Variants in ROBO2 observed in about 807,000 individuals in gnomAD.
ROBO2 encodes the protein roundabout homolog 2.
A neutral mutation model predicts 160.8 loss-of-function variants in ROBO2; 53 were observed. The observed-to-expected ratio is 0.33, with a 90% CI of 0.26 to 0.41. ROBO2 has a LOEUF of 0.41. ROBO2 is among the 10% of genes least tolerant of loss of function. The pLI, the probability that ROBO2 is intolerant of heterozygous loss-of-function variation, is 1.00. For missense variants in ROBO2, 1,577 were observed against 1,722.4 expected (o/e 0.92, Z 1.49); for synonymous variants, 664 against 611.7 (o/e 1.09, Z -1.26).
chr3:77,588,406 G>A (rs2094105529), intron 16 of ROBO2, among the ~76,000 whole-genome samples: 1 of 152,032 alleles, frequency 6.6e-6, no homozygotes, highest in Non-Finnish European at 1.5e-5. Flanking sequence ...TCTTAAAAAT[G>A]AGAACTGTAT....
At chr3:77,302,698 T>G (rs957093370) in intron 2 of ROBO2, among the ~76,000 whole-genome samples, 5 of 152,306 alleles carry the variant, frequency 3.3e-5, no homozygotes, top group Middle Eastern at 3.4e-3. Flanking sequence ...AGGTATCTAT[T>G]GGAAAATACA....
intron 2 of ROBO2, among the ~76,000 whole-genome samples, chr3:76,053,928 T>C (rs1376980801): frequency 6.6e-6 from 1 of 152,110 alleles, no homozygotes; most frequent in East Asian, 1.9e-4. Flanking sequence ...TTCCCAAAAA[T>C]ATCATGCAAG....
At chr3:76,284,599 A>C (rs1708417721) in intron 2 of ROBO2, among the ~76,000 whole-genome samples, 1 of 152,056 alleles carries the variant, frequency 6.6e-6, no homozygotes. Flanking sequence ...TTCAGGTCTG[A>C]TTTCATACTA....
chr3:76,756,165 C>T (rs1319921158), intron 2 of ROBO2, among the ~76,000 whole-genome samples: 1 of 151,794 alleles, frequency 6.6e-6, no homozygotes, highest in Admixed American at 6.6e-5. Flanking sequence ...ACTCTTGTCT[C>T]AAGCAAATAT....
chr3:76,533,979 A>T (rs2108100651), intron 2 of ROBO2, among the ~76,000 whole-genome samples: 1 of 152,286 alleles, frequency 6.6e-6, no homozygotes, highest in Non-Finnish European at 1.5e-5. Context: ...CCTGCAGGCC[A>T]TCTGGACATA....
At chr3:76,216,572 C>A (rs959398049) in intron 2 of ROBO2, among the ~76,000 whole-genome samples, 4 of 152,144 alleles carry the variant, frequency 2.6e-5, no homozygotes, top group Non-Finnish European at 5.9e-5. Flanking sequence ...AAGGCCATTA[C>A]GTAATGGTAA....
chr3:77,363,941 G>A (rs1192390349), intron 2 of ROBO2, among the ~76,000 whole-genome samples: 7 of 152,042 alleles, frequency 4.6e-5, no homozygotes, highest in Non-Finnish European at 1.0e-4. Context: ...TTGCTTTGAG[G>A]GCTTCTAATT....
chr3:76,654,936 T>TATATAA (rs1262709107), intron 2 of ROBO2, among the ~76,000 whole-genome samples: 6 of 148,290 alleles, frequency 4.0e-5, no homozygotes, highest in Non-Finnish European at 7.4e-5. Flanking sequence ...TATTTATATA[T>TATATAA]ATAAATTTAA....
chr3:77,266,333 A>G (rs1449151708), intron 2 of ROBO2, among the ~76,000 whole-genome samples: 1 of 151,764 alleles, frequency 6.6e-6, no homozygotes, highest in African/African-American at 2.4e-5. Flanking sequence ...GGCCACCTTT[A>G]AGTTTCAGGG....
chr3:76,705,572 A>G (rs888365656), intron 2 of ROBO2, among the ~76,000 whole-genome samples: 1 of 152,132 alleles, frequency 6.6e-6, no homozygotes, highest in Non-Finnish European at 1.5e-5. Context: ...CCTTCAAGAA[A>G]GCAGTTTCAG....
At chr3:76,176,546 A>G (rs2073238875) in intron 2 of ROBO2, among the ~76,000 whole-genome samples, 1 of 152,134 alleles carries the variant, frequency 6.6e-6, no homozygotes, top group African/African-American at 2.4e-5. Flanking sequence ...GGAGTACAAA[A>G]CAGTGAGATT....
exon 26 of ROBO2, chr3:77,647,244 TTTTA>T (rs1466007142): frequency 1.3e-5 from 2 of 152,182 alleles, no homozygotes; most frequent in Non-Finnish European, 2.9e-5. Context: ...ACAACTTGTT[TTTTA>T]TTTGATTAAG....
At chr3:76,686,054 C>CT (rs1223024664) in intron 2 of ROBO2, among the ~76,000 whole-genome samples, 1 of 152,048 alleles carries the variant, frequency 6.6e-6, no homozygotes, top group African/African-American at 2.4e-5. Flanking sequence ...TTTTCCTTTC[C>CT]TTATCACTGA....
At chr3:76,133,915 A>G (rs2071328729) in intron 2 of ROBO2, among the ~76,000 whole-genome samples, 1 of 152,000 alleles carries the variant, frequency 6.6e-6, no homozygotes, top group Non-Finnish European at 1.5e-5. Flanking sequence ...ACCCAGGAGC[A>G]CTACTTTGCA....
rs185262168 is a variant in ROBO2 at position 77,118,409 on chromosome 3, T to C, written c.388+20069T>C. Among the ~76,000 whole-genome samples, 28 of 152,306 alleles carry C rather than the reference T, an allele frequency of 1.8e-4. 1 individual carries two copies. In the East Asian group the frequency reaches 5.0e-3, roughly 27 times the overall value. On this transcript the variant is annotated intron_variant, in intron 2 of 25. Transcript: ENST00000461745. The stretch of plus-strand genomic sequence containing the variant: ...CATTTGAGCAGTTGTAGGGAAGCCA[T>C]TGTAACATTTTTTCCTTAAAGATTA...
intron 2 of ROBO2, among the ~76,000 whole-genome samples, chr3:76,923,836 A>C (rs1577516501): frequency 6.6e-6 from 1 of 152,346 alleles, no homozygotes; most frequent in Non-Finnish European, 1.5e-5. Context: ...TTCAGATCTA[A>C]AAGATGAATG....
chr3:76,244,540 G>A (rs1019370107), intron 2 of ROBO2, among the ~76,000 whole-genome samples: 4 of 152,142 alleles, frequency 2.6e-5, no homozygotes, highest in Admixed American at 1.3e-4. Flanking sequence ...GGGCAGTTCA[G>A]GCTTATAGAT....
intron 1 of ROBO2, among the ~76,000 whole-genome samples, chr3:75,922,876 A>G (rs1217993982): frequency 6.6e-6 from 1 of 152,164 alleles, no homozygotes; most frequent in East Asian, 1.9e-4. Flanking sequence ...CTAATATAGT[A>G]GATGGTAGGA....
intron 21 of ROBO2, among the ~76,000 whole-genome samples, chr3:77,613,024 A>G (rs1252694428): frequency 1.3e-5 from 2 of 152,168 alleles, no homozygotes; most frequent in Non-Finnish European, 2.9e-5. Flanking sequence ...CTAATGAAAT[A>G]TGTTTTAGTT....
Sources: gnomAD v4.1 joint callset for allele counts (sites outside exome capture counted in the v4.1 genomes callset) on GRCh38, gnomAD v4.1.1 for gene constraint, MANE v1.5 for transcripts, NCBI Gene and HGNC (gene_info 2026-07-23, HGNC 2026-07-21) for gene names.